ECE1: variants seen among roughly 807,000 people sequenced by gnomAD.
ECE1 encodes the protein endothelin-converting enzyme 1.
Under a neutral mutation model 98.6 loss-of-function variants are expected in ECE1, and 35 were observed. The ratio of observed to expected loss-of-function variants is 0.35; its 90% CI spans 0.27 to 0.47. The LOEUF is 0.47. ECE1 is among the 20% of genes least tolerant of loss of function. The pLI is 1.00. For missense variants in ECE1, 814 were observed against 1,025.3 expected (o/e 0.79, Z 2.81); for synonymous variants, 394 against 407.1 (o/e 0.97, Z 0.39).
intron 1 of ECE1, among the ~76,000 whole-genome samples, chr1:21,310,771 G>T (rs1198526555): frequency 1.3e-5 from 2 of 152,142 alleles, no homozygotes; most frequent in Non-Finnish European, 2.9e-5. Flanking sequence ...CCAGCCCTCT[G>T]CTCTGTCCCT....
chr1:21,334,143 TAGAATCAGGGTC>T (rs1328518633), intron 1 of ECE1, among the ~76,000 whole-genome samples: 27 of 152,186 alleles, frequency 1.8e-4, no homozygotes, highest in Non-Finnish European at 2.6e-4. Flanking sequence ...ATGAGGAGTC[TAGAATCAGGGTC>T]TAAGTCCTGC....
chr1:21,298,905 G>A, intron 1 of ECE1: 1 of 456,214 alleles, frequency 2.2e-6, no homozygotes, highest in East Asian at 6.9e-5. Flanking sequence ...AGCACAAACT[G>A]CAAAGCAGAC....
chr1:21,275,784 A>G (rs2098245805), intron 3 of ECE1, among the ~76,000 whole-genome samples: 1 of 152,140 alleles, frequency 6.6e-6, no homozygotes, highest in African/African-American at 2.4e-5. Flanking sequence ...TGATGACCTC[A>G]TGGTTTCCAG....
chr1:21,319,843 T>C lies in ECE1; in HGVS notation c.3+25533A>G, dbSNP rs1638924072. The stretch of plus-strand genomic sequence containing the variant: ...ACACACGCGGTCCCATGGCTTCTAG[T>C]GCCAGCCCCCACACACCACTCGCCA... On this transcript the variant is annotated intron_variant, in intron 1 of 18. Transcript: ENST00000415912. The surrounding 1 kb of genome is among the most constrained non-coding windows in gnomAD (Gnocchi z 4.4). Among the ~76,000 whole-genome samples the C allele has an allele frequency of 6.6e-6, 1 of 152,140 alleles. No homozygotes were observed. Among genetic ancestry groups the C allele is most frequent in the African/African-American group, 2.4e-5 (1 of 41,444 alleles).
chr1:21,222,609 G>A (rs2098168868), intron 17 of ECE1, among the ~76,000 whole-genome samples: 1 of 152,076 alleles, frequency 6.6e-6, no homozygotes, highest in South Asian at 2.1e-4. Flanking sequence ...GGAAGGCCCA[G>A]GCAGGTGGAT....
intron 10 of ECE1, among the ~76,000 whole-genome samples, chr1:21,241,480 T>C (rs566165050): frequency 1.7e-4 from 24 of 144,602 alleles, no homozygotes; most frequent in Non-Finnish European, 3.3e-4. Context: ...TGGAGTGCAG[T>C]GGTGTGATAC....
intron 1 of ECE1, among the ~76,000 whole-genome samples, chr1:21,344,062 A>C (rs1639450938): frequency 6.6e-6 from 1 of 152,148 alleles, no homozygotes; most frequent in Non-Finnish European, 1.5e-5. Flanking sequence ...AAGCACCTTC[A>C]GGTATAGAAC....
In ECE1 at chr1:21,345,452, C is replaced by T. The variant is rs7528970; in HGVS notation, c.-74G>A. ...CCGATTCCCAGCTCCGGGTTCCCTG[C>T]TCCCAGCCCAGCTGCTCGGACGGCT... On this transcript the variant is annotated 5_prime_UTR_variant, in exon 1 of 19. Coordinates refer to the ECE1 transcript ENST00000415912. This position sits in a 1 kb window ranked among gnomAD's most constrained non-coding sequence, Gnocchi z 5.1. 2,699 of 1,242,404 alleles carry T rather than the reference C, an allele frequency of 2.2e-3. 50 individuals are homozygous for T. The African/African-American group carries it at 0.034, about 16-fold the overall frequency. The allele number at this position is 1,242,404 out of a possible 1,614,324, so 77.0% of individuals were successfully genotyped here.
At position 21,219,989 on chromosome 1, in the gene ECE1, G is replaced by C. The variant is rs778929118; in HGVS notation, c.2279C>G (p.Pro760Arg). The part of the protein sequence containing the change: ...SEHFRCPPGS[P>R]MNPPHKCEVW ...TTCGCACTTGTGAGGCGGGTTCATGGGTGAGCCAGGTGGGCAGCGGAAGTG... is the reference window on the plus strand; with the variant it reads ...TTCGCACTTGTGAGGCGGGTTCATGCGTGAGCCAGGTGGGCAGCGGAAGTG... The change falls in exon 19 of 19, where the codon CCC (proline) becomes CGC (arginine). Residue 760 changes from proline to arginine, a missense_variant. By Grantham distance (103) the Pro-to-Arg change is moderately radical. Transcript: ENST00000374893. This position sits in a 1 kb window ranked among gnomAD's most constrained non-coding sequence, Gnocchi z 4.5. 3.1e-6 allele frequency: 5 copies of C among 1,614,112 alleles called. No individual in the cohort carries two copies. In the South Asian group the frequency reaches 4.4e-5, roughly 14 times the overall value.
Position 21,345,390 on chromosome 1 carries a change from T to C in ECE1, c.-12A>G. On this transcript the variant is annotated 5_prime_UTR_variant, in exon 1 of 19. Transcript: ENST00000415912. This position sits in a 1 kb window ranked among gnomAD's most constrained non-coding sequence, Gnocchi z 5.1. ...GCAGCACTCACCATAGCTCGCGTGC[T>C]CCGCCCCGGCTTCGCGCAGCTCCCC... 1 of 1,339,454 alleles carries C rather than the reference T, an allele frequency of 7.5e-7. No homozygotes were observed. The allele number at this position is 1,339,454 out of a possible 1,614,324, so 83.0% of individuals were successfully genotyped here. A position where few individuals can be genotyped will look rare whatever the true frequency, so the allele number is the denominator to read the frequency against.
At chr1:21,342,708 A>C in intron 1 of ECE1, among the ~76,000 whole-genome samples, 1 of 152,182 alleles carries the variant, frequency 6.6e-6, no homozygotes, top group Middle Eastern at 3.2e-3. Flanking sequence ...CACACTGCAA[A>C]GAAGTGAGTG....
intron 1 of ECE1, among the ~76,000 whole-genome samples, chr1:21,304,315 CAAAAAAAAAAA>C (rs71014183): frequency 0.36 from 17,615 of 48,566 alleles, 1,709 homozygotes; most frequent in Non-Finnish European, 0.42. Context: ...GACTCCCTCT[CAAAAAAAAAAA>C]AAAAAAAAAA....
Position 21,279,324 on chromosome 1 carries a change from G to A in ECE1, c.147C>T (p.Phe49=), listed in dbSNP as rs1315810834. Residue 49 remains phenylalanine, a synonymous_variant, in exon 3 of 19, where the codon TTC becomes TTT. Coordinates refer to ENST00000374893, the MANE Select transcript of ECE1 (RefSeq NM_001397.3). ...DAYPNGLQVN[F]HSPRSGQRCW... ...ACCTCTGGCCACTCCGGGGGCTGTG[G>A]AAGTTCACCTGCAGGGAAGGAGGCA... is the stretch of plus-strand genomic sequence containing the variant. 3.7e-6 allele frequency: 6 copies of A among 1,614,188 alleles called. No individual in the cohort carries two copies. In the Admixed American group the frequency reaches 6.7e-5, roughly 18 times the overall value.
intron 1 of ECE1, among the ~76,000 whole-genome samples, chr1:21,320,227 C>T (rs943662646): frequency 6.6e-6 from 1 of 152,144 alleles, no homozygotes; most frequent in Admixed American, 6.5e-5. Context: ...ACCCCGCCCA[C>T]GACTATCTCC....
chr1:21,299,647 C>G (rs547241403), intron 1 of ECE1: 28 of 152,330 alleles, frequency 1.8e-4, no homozygotes, highest in African/African-American at 6.5e-4. Flanking sequence ...GGGAGCTAGG[C>G]TCCTTGGATT....
intron 1 of ECE1, among the ~76,000 whole-genome samples, chr1:21,318,066 G>C (rs1638871332): frequency 1.3e-5 from 2 of 152,354 alleles, no homozygotes; most frequent in South Asian, 4.1e-4. Flanking sequence ...TCCCCTCGCT[G>C]GCTGCTGTGA....
Position 21,239,364 on chromosome 1 carries a change from C to T in ECE1, c.1279-1120G>A, listed in dbSNP as rs1043292357. 5.3e-5 allele frequency among the ~76,000 whole-genome samples: 8 copies of T among 152,188 alleles called. No individual in the cohort carries two copies. In the East Asian group the frequency reaches 5.8e-4, roughly 11 times the overall value. ...GGTGGCCCTGCTCACATAAATCCCTCGTACGACAGAGGAAGTGATGTCCTC... is the reference window on the plus strand; with the variant it reads ...GGTGGCCCTGCTCACATAAATCCCTTGTACGACAGAGGAAGTGATGTCCTC... On this transcript the variant is annotated intron_variant, in intron 10 of 18. Transcript: ENST00000374893.
intron 10 of ECE1, among the ~76,000 whole-genome samples, chr1:21,241,784 C>T (rs1406530058): frequency 6.6e-6 from 1 of 152,154 alleles, no homozygotes; most frequent in African/African-American, 2.4e-5. Flanking sequence ...AGAGGCCACG[C>T]TCTCTGCCTA....
intron 10 of ECE1, among the ~76,000 whole-genome samples, chr1:21,241,521 C>T (rs2098196341): frequency 7.0e-6 from 1 of 142,540 alleles, no homozygotes; most frequent in South Asian, 2.2e-4. Context: ...TTCCTAGGTT[C>T]AAGCAATTCT....
Sources: allele counts gnomAD v4.1 joint callset (sites outside exome capture counted in the v4.1 genomes callset), GRCh38; gene constraint gnomAD v4.1.1; non-coding constraint Gnocchi (gnomAD v3.1); transcripts MANE v1.5; gene names NCBI Gene and HGNC (gene_info 2026-07-23, HGNC 2026-07-21).